The following CSMD2 variants were observed in gnomAD, a reference collection of about 807,000 sequenced individuals.
CSMD2 encodes CUB and Sushi multiple domains 2.
CSMD2 carries 130 observed loss-of-function variants against 398.5 expected under a neutral mutation model. The observed-to-expected ratio is 0.33, with a 90% CI of 0.28 to 0.38. CSMD2 has a LOEUF of 0.38. CSMD2 is among the 10% of genes least tolerant of loss of function. CSMD2 has a pLI of 1.00. For missense variants in CSMD2, 3,829 were observed against 4,764.9 expected (o/e 0.80, Z 5.78); for synonymous variants, 1,828 against 1,908.5 (o/e 0.96, Z 1.10).
intron 4 of CSMD2, among the ~76,000 whole-genome samples, chr1:33,923,215 G>A (rs1008452960): frequency 1.3e-5 from 2 of 152,190 alleles, no homozygotes; most frequent in Non-Finnish European, 2.9e-5. Flanking sequence ...CTCCAATACT[G>A]GAGGTGGGGC....
chr1:33,625,269 G>A lies in CSMD2; in HGVS notation c.5297-15C>T, dbSNP rs1403230637. On this transcript the variant is annotated splice_polypyrimidine_tract_variant and intron_variant, in intron 33 of 70. Coordinates refer to ENST00000373381, the MANE Select transcript of CSMD2 (RefSeq NM_001281956.2). ...TCGAGGAACCGCTGTGGGGGACAAG[G>A]GCACTGAGGGGAGGCCTCACCCCTC... is the stretch of plus-strand genomic sequence containing the variant. 1 of 1,602,588 alleles carries A rather than the reference G, an allele frequency of 6.2e-7. No individual in the cohort carries two copies.
intron 26 of CSMD2, among the ~76,000 whole-genome samples, chr1:33,660,044 G>A (rs1186461928): frequency 6.6e-6 from 1 of 152,188 alleles, no homozygotes; most frequent in African/African-American, 2.4e-5. Flanking sequence ...TGTTCCCCTA[G>A]AAGAAAAATA....
At chr1:33,799,772 A>T (rs1009742634) in intron 10 of CSMD2, among the ~76,000 whole-genome samples, 2 of 152,212 alleles carry the variant, frequency 1.3e-5, no homozygotes, top group African/African-American at 2.4e-5. Flanking sequence ...AAATACAAGG[A>T]GCATGAGACC....
intron 13 of CSMD2, among the ~76,000 whole-genome samples, chr1:33,761,063 G>A (rs1430594979): frequency 1.3e-5 from 2 of 152,172 alleles, no homozygotes; most frequent in African/African-American, 4.8e-5. Context: ...GACCTGGTGA[G>A]GCACCTTCTG....
intron 2 of CSMD2, among the ~76,000 whole-genome samples, chr1:34,049,730 G>A (rs1056390035): frequency 3.3e-5 from 5 of 152,108 alleles, no homozygotes; most frequent in South Asian, 2.1e-4. Context: ...CATTGATTGC[G>A]CCTTGTCATA....
At chr1:34,143,138 G>A (rs112129021) in intron 1 of CSMD2, among the ~76,000 whole-genome samples, 1 of 151,930 alleles carries the variant, frequency 6.6e-6, no homozygotes, top group African/African-American at 2.4e-5. Context: ...GTGGGGTCTG[G>A]AGCCCACTGA....
intron 41 of CSMD2, 83 bp downstream of exon 41, chr1:33,610,958 C>T (rs1640957606): frequency 1.5e-6 from 2 of 1,357,658 alleles, no homozygotes; most frequent in African/African-American, 1.4e-5. Context: ...TGTTTTCCCC[C>T]ACATGGAAGG....
intron 24 of CSMD2, among the ~76,000 whole-genome samples, chr1:33,694,178 A>G (rs575518331): frequency 6.6e-6 from 1 of 152,374 alleles, no homozygotes; most frequent in East Asian, 1.9e-4. Context: ...GTGCGATTCC[A>G]CTTATGTGAA....
chr1:34,090,329 A>T (rs1658409271), intron 1 of CSMD2, among the ~76,000 whole-genome samples: 1 of 151,884 alleles, frequency 6.6e-6, no homozygotes, highest in South Asian at 2.1e-4. Context: ...CTCCCACAAT[A>T]CCATACTCCT....
intron 3 of CSMD2, among the ~76,000 whole-genome samples, chr1:34,015,332 G>A (rs550742220): frequency 1.3e-5 from 2 of 152,356 alleles, no homozygotes; most frequent in South Asian, 4.1e-4. Flanking sequence ...GAGCCTCAGA[G>A]ATATTACAGA....
chr1:33,761,618 G>A (rs1649823469), intron 13 of CSMD2, among the ~76,000 whole-genome samples: 1 of 152,120 alleles, frequency 6.6e-6, no homozygotes, highest in Non-Finnish European at 1.5e-5. Context: ...GGCACTCAGG[G>A]CCTGTCCTCT....
rs1641699036 is a variant in CSMD2, at chr1:34,164,632, G to C, written c.187+279C>G. Among the ~76,000 whole-genome samples, 1 of 152,126 alleles carries C rather than the reference G, an allele frequency of 6.6e-6. No individual in the cohort carries two copies. Among genetic ancestry groups the C allele is most frequent in the African/African-American group, 2.4e-5 (1 of 41,430 alleles). On this transcript the variant is annotated intron_variant, in intron 1 of 70. Coordinates refer to ENST00000373381, the MANE Select transcript of CSMD2 (RefSeq NM_001281956.2). This position sits in a 1 kb window ranked among gnomAD's most constrained non-coding sequence, Gnocchi z 6.2. ...ACCAGGTGCCCCGCAACCCCGGGCG[G>C]GGATGTCTGTCTCCCAGGCCCCCAC... is the stretch of plus-strand genomic sequence containing the variant.
intron 1 of CSMD2, among the ~76,000 whole-genome samples, chr1:34,137,855 C>A (rs72886097): frequency 1.3e-5 from 2 of 152,296 alleles, no homozygotes; most frequent in Admixed American, 6.5e-5. Context: ...GGAGAAACTG[C>A]GTTCACAGAG....
intron 13 of CSMD2, among the ~76,000 whole-genome samples, chr1:33,762,999 G>A (rs970466062): frequency 4.6e-5 from 7 of 152,038 alleles, no homozygotes; most frequent in African/African-American, 9.7e-5. Context: ...AACATCCCAC[G>A]GACCCTGGGA....
intron 6 of CSMD2, among the ~76,000 whole-genome samples, chr1:33,838,201 C>T (rs1660505463): frequency 6.6e-6 from 1 of 152,224 alleles, no homozygotes; most frequent in Non-Finnish European, 1.5e-5. Flanking sequence ...GTCTTGCTGG[C>T]TGAACCATCT....
intron 5 of CSMD2, among the ~76,000 whole-genome samples, chr1:33,899,056 C>T (rs1461007328): frequency 6.6e-6 from 1 of 152,216 alleles, no homozygotes; most frequent in Non-Finnish European, 1.5e-5. Flanking sequence ...GTTATCTGGA[C>T]AACTCAGGCC....
At chr1:33,809,804 C>A (rs1423644278) in intron 10 of CSMD2, among the ~76,000 whole-genome samples, 1 of 151,984 alleles carries the variant, frequency 6.6e-6, no homozygotes, top group Non-Finnish European at 1.5e-5. Context: ...TACATTTTTA[C>A]AAGATAGTTG....
At chr1:34,155,446 A>G (rs1335372730) in intron 1 of CSMD2, among the ~76,000 whole-genome samples, 1 of 152,208 alleles carries the variant, frequency 6.6e-6, no homozygotes, top group Non-Finnish European at 1.5e-5. Context: ...GTGAAGCCCA[A>G]GCAGTCAACT....
Position 33,605,980 on chromosome 1 carries a change from A to G in CSMD2, c.6344-510T>C, listed in dbSNP as rs1469590199. The G allele has an allele frequency of 8.1e-6, 13 of 1,612,280 alleles. No homozygotes were observed. The highest frequency in any genetic ancestry group is 1.1e-5 in the Non-Finnish European group (13 of 1,179,560). Reference sequence around the variant, plus strand: ...AGGAAGGAAGAAATCTGGTGGGAGTAAGTCAAATCTGTGGCAAGGAGAGAA... The same window carrying G: ...AGGAAGGAAGAAATCTGGTGGGAGTGAGTCAAATCTGTGGCAAGGAGAGAA... On this transcript the variant is annotated intron_variant, in intron 41 of 70. Transcript: ENST00000373381.
Sources: gnomAD v4.1 joint callset for allele counts (sites outside exome capture counted in the v4.1 genomes callset) on GRCh38, gnomAD v4.1.1 for gene constraint, Gnocchi (gnomAD v3.1) non-coding constraint, MANE v1.5 for transcripts, NCBI Gene and HGNC (gene_info 2026-07-23, HGNC 2026-07-21) for gene names.